The following MALRD1 variants were observed in gnomAD, a reference collection of about 807,000 sequenced individuals.
MALRD1 encodes the protein MAM and LDL-receptor class A domain-containing protein 1.
In MALRD1, 247 loss-of-function variants were observed where a neutral mutation model predicts 242.1. That is an observed-to-expected ratio of 1.02 (90% CI 0.92 to 1.13). MALRD1 has a LOEUF of 1.13. MALRD1 is among the 50% of genes most tolerant of loss of function. The probability of loss-of-function intolerance (pLI) is 0.00; values close to 1 mark genes in which losing one functional copy is unlikely to be tolerated. For missense variants in MALRD1, 2,989 were observed against 2,533.1 expected, an observed-to-expected ratio of 1.18 and a Z score of -3.86; for synonymous variants, 995 against 866.6, an observed-to-expected ratio of 1.15 and a Z score of -2.60.
At chr10:19,129,649 C>T (rs374825300) in intron 8 of MALRD1, among the ~76,000 whole-genome samples, 1 of 151,430 alleles carries the variant, frequency 6.6e-6, no homozygotes, top group Admixed American at 6.6e-5. Context: ...ATTAACATCC[C>T]TATTGATTAG....
At chr10:19,499,323 C>G (rs2131249286) in intron 31 of MALRD1, among the ~76,000 whole-genome samples, 1 of 151,988 alleles carries the variant, frequency 6.6e-6, no homozygotes, top group Middle Eastern at 3.4e-3. Context: ...ATTTGTGATG[C>G]TAATTTTATG....
At chr10:19,231,420 C>T (rs1014444116) in intron 18 of MALRD1, among the ~76,000 whole-genome samples, 1 of 152,184 alleles carries the variant, frequency 6.6e-6, no homozygotes, top group African/African-American at 2.4e-5. Context: ...AGGTTCTGGA[C>T]ATAACCCTCA....
intron 28 of MALRD1, among the ~76,000 whole-genome samples, chr10:19,406,495 G>C (rs1191875049): frequency 6.6e-6 from 1 of 152,138 alleles, no homozygotes; most frequent in Non-Finnish European, 1.5e-5. Flanking sequence ...GCCTCGATGA[G>C]ATCCCGTCAG....
rs1205215104 is a variant in MALRD1, at chr10:19,489,550, AT to A, written c.5030-1961del. The stretch of plus-strand genomic sequence containing the variant: ...GAAGGAGGGAATCCCATCTCATCCT[AT>A]TTTTTAAGTGTAAATGCTTTTTTTT... On this transcript the variant is annotated intron_variant, in intron 29 of 39. Transcript: ENST00000454679. The A allele has an allele frequency of 7.8e-5, 51 of 654,982 alleles. 1 individual carries two copies. The highest frequency in any genetic ancestry group is 1.7e-5 in the Non-Finnish European group (7 of 412,068). 40.6% of individuals were successfully genotyped at this position (654,982 alleles called of 1,614,324 possible).
chr10:19,732,655 A>G (rs1835343957), intron 39 of MALRD1, among the ~76,000 whole-genome samples: 1 of 152,178 alleles, frequency 6.6e-6, no homozygotes, highest in South Asian at 2.1e-4. Context: ...GATCTTTTCA[A>G]TTTTATGTTT....
intron 34 of MALRD1, among the ~76,000 whole-genome samples, chr10:19,597,689 G>A (rs1361934467): frequency 1.3e-5 from 2 of 152,162 alleles, no homozygotes; most frequent in African/African-American, 4.8e-5. Context: ...GGCTGAAGAT[G>A]TGCTATACAT....
intron 28 of MALRD1, among the ~76,000 whole-genome samples, chr10:19,409,069 T>C (rs1328065375): frequency 4.6e-5 from 7 of 152,174 alleles, no homozygotes; most frequent in Non-Finnish European, 1.0e-4. Flanking sequence ...AGCCAATATC[T>C]AGAAACAACC....
intron 18 of MALRD1, among the ~76,000 whole-genome samples, chr10:19,216,119 C>CTT (rs753559077): frequency 0.28 from 34,064 of 122,556 alleles, 5,233 homozygotes; most frequent in Middle Eastern, 0.35. Context: ...TTCTTTCTTT[C>CTT]TTTTTTTTTT....
intron 38 of MALRD1, among the ~76,000 whole-genome samples, chr10:19,694,437 GA>G (rs1247610730): frequency 2.6e-5 from 4 of 152,154 alleles, no homozygotes; most frequent in Non-Finnish European, 4.4e-5. Context: ...CTTCTCAAAA[GA>G]AGACATTTAT....
At chr10:19,542,109 A>G (rs1186422155) in intron 32 of MALRD1, among the ~76,000 whole-genome samples, 1 of 152,204 alleles carries the variant, frequency 6.6e-6, no homozygotes, top group Non-Finnish European at 1.5e-5. Context: ...ATCAAGTCAC[A>G]GTTTTAAGAC....
At chr10:19,524,958 C>T (rs1239058540) in intron 31 of MALRD1, among the ~76,000 whole-genome samples, 1 of 151,858 alleles carries the variant, frequency 6.6e-6, no homozygotes, top group African/African-American at 2.4e-5. Context: ...GGCTGAAGTG[C>T]AATGGCATAA....
chr10:19,644,841 T>C (rs937594224), intron 36 of MALRD1, among the ~76,000 whole-genome samples: 2 of 152,168 alleles, frequency 1.3e-5, no homozygotes, highest in African/African-American at 2.4e-5. Flanking sequence ...TTTGTCTACT[T>C]GTAAGTAATA....
In MALRD1 at chr10:19,468,092, C is replaced by T. The variant is rs141191520; in HGVS notation, c.5029+17602C>T. 3.0e-4 allele frequency among the ~76,000 whole-genome samples: 36 copies of T among 119,214 alleles called. No individual in the cohort carries two copies. The East Asian group carries it at 9.7e-3, about 32-fold the overall frequency. 78.2% of individuals were successfully genotyped at this position (119,214 alleles called of 152,430 possible). A position where few individuals can be genotyped will look rare whatever the true frequency, so the allele number is the denominator to read the frequency against. ...TACATATGTGAGCTACCACACCTGG[C>T]CTAGATACTTTAAAACAAAAAAAAA... On this transcript the variant is annotated intron_variant, in intron 29 of 39. Transcript: ENST00000454679.
chr10:19,518,460 A>G (rs1833734256), intron 31 of MALRD1, among the ~76,000 whole-genome samples: 2 of 152,252 alleles, frequency 1.3e-5, no homozygotes, highest in Non-Finnish European at 2.9e-5. Context: ...TTTTTCTTAT[A>G]TAATGTCAAA....
At chr10:19,515,392 C>T (rs538710571) in intron 31 of MALRD1, among the ~76,000 whole-genome samples, 12 of 152,120 alleles carry the variant, frequency 7.9e-5, no homozygotes, top group African/African-American at 2.9e-4. Context: ...TGGTATGACA[C>T]AGAACATGTG....
chr10:19,457,238 A>C (rs909155381), intron 29 of MALRD1, among the ~76,000 whole-genome samples: 2 of 152,190 alleles, frequency 1.3e-5, no homozygotes, highest in East Asian at 3.9e-4. Context: ...CTACTAAAAC[A>C]GTGATAAACA....
At chr10:19,387,460 T>G in intron 26 of MALRD1, 68 bp from the exon 27 acceptor site, 1 of 1,480,750 alleles carries the variant, frequency 6.8e-7, no homozygotes, top group Non-Finnish European at 9.0e-7. Flanking sequence ...CCACTCTTAC[T>G]GCTTTTTGAC....
At chr10:19,094,964 A>C (rs1023441030) in intron 4 of MALRD1, among the ~76,000 whole-genome samples, 2 of 152,206 alleles carry the variant, frequency 1.3e-5, no homozygotes, top group Non-Finnish European at 1.5e-5. Context: ...TTTTCCTGTT[A>C]AACATGAGAT....
At chr10:19,649,372 C>T (rs1443223465) in intron 36 of MALRD1, among the ~76,000 whole-genome samples, 3 of 152,098 alleles carry the variant, frequency 2.0e-5, no homozygotes, top group African/African-American at 7.2e-5. Context: ...TAAGTGTTCC[C>T]TTTTCTCTGC....
Sources: allele counts gnomAD v4.1 joint callset (sites outside exome capture counted in the v4.1 genomes callset), GRCh38; gene constraint gnomAD v4.1.1; transcripts MANE v1.5; gene names NCBI Gene and HGNC (gene_info 2026-07-23, HGNC 2026-07-21).